The following SPATA6 variants were observed in gnomAD, a reference collection of about 807,000 sequenced individuals.
The protein encoded by SPATA6 is spermatogenesis-associated protein 6.
In SPATA6, 56 loss-of-function variants were observed where a neutral mutation model predicts 65.3. That is an observed-to-expected ratio of 0.86 (90% CI 0.69 to 1.07). The LOEUF is 1.07. SPATA6 is among the 50% of genes least tolerant of loss of function. The pLI, the probability that SPATA6 is intolerant of heterozygous loss-of-function variation, is 0.00. For missense variants in SPATA6, 590 were observed against 594.8 expected, an observed-to-expected ratio of 0.99 and a Z score of 0.08; for synonymous variants, 199 against 213.2, an observed-to-expected ratio of 0.93 and a Z score of 0.58.
chr1:48,348,004 G>A (rs1234056104), intron 11 of SPATA6, among the ~76,000 whole-genome samples: 2 of 151,942 alleles, frequency 1.3e-5, no homozygotes, highest in African/African-American at 4.8e-5. Flanking sequence ...TTCTCAGAGA[G>A]GCAGATGTGA....
At chr1:48,278,130 T>C in the SPATA6 span, among the ~76,000 whole-genome samples, 3 of 152,222 alleles carry the variant, frequency 2.0e-5, no homozygotes, top group East Asian at 3.9e-4. Flanking sequence ...TCCTGTCTGT[T>C]AGAAGGAAAA....
Position 48,346,423 on chromosome 1 carries a change from G to T in SPATA6, c.1194+9247C>A, listed in dbSNP as rs79339436. Among the ~76,000 whole-genome samples, 293 of 152,166 alleles carry T rather than the reference G, an allele frequency of 1.9e-3. 2 individuals are homozygous for T. The highest frequency in any genetic ancestry group is 3.8e-3 in the Non-Finnish European group (258 of 67,998). The stretch of plus-strand genomic sequence containing the variant: ...TCCCCTTGAAAACAGCACAAGACAA[G>T]ATGACCTCTCTCATCACTCTTATTC... On this transcript the variant is annotated intron_variant, in intron 11 of 12. Transcript: ENST00000371847.
chr1:48,342,389 G>A (rs950348369), intron 11 of SPATA6, among the ~76,000 whole-genome samples: 5 of 152,088 alleles, frequency 3.3e-5, no homozygotes, highest in Admixed American at 3.3e-4. Context: ...GCTGAGGCAG[G>A]TGGATCACAA....
chr1:48,391,676 G>A (rs534748374), intron 8 of SPATA6, among the ~76,000 whole-genome samples: 1 of 152,176 alleles, frequency 6.6e-6, no homozygotes, highest in East Asian at 1.9e-4. Context: ...GGAGATGAAA[G>A]TCATGGCCCA....
At chr1:48,444,671 C>T (rs960867185) in intron 3 of SPATA6, among the ~76,000 whole-genome samples, 14 of 152,344 alleles carry the variant, frequency 9.2e-5, no homozygotes, top group South Asian at 2.1e-4. Flanking sequence ...AGCAGCAACC[C>T]GCTCAGGTCC....
the SPATA6 span, among the ~76,000 whole-genome samples, chr1:48,282,608 A>T: frequency 1.3e-5 from 2 of 152,240 alleles, no homozygotes; most frequent in African/African-American, 2.4e-5. Flanking sequence ...TGGCCATCAG[A>T]GAAATGCAAA....
the SPATA6 span, among the ~76,000 whole-genome samples, chr1:48,281,201 T>C: frequency 2.6e-5 from 4 of 151,976 alleles, no homozygotes; most frequent in African/African-American, 9.7e-5. Flanking sequence ...ATAAGAGCTA[T>C]CTATGACAAA....
intron 3 of SPATA6, among the ~76,000 whole-genome samples, chr1:48,442,398 C>T (rs975818997): frequency 6.6e-6 from 1 of 152,130 alleles, no homozygotes; most frequent in African/African-American, 2.4e-5. Context: ...CATGGAGTTA[C>T]TGCATGCAGT....
In SPATA6 at chr1:48,297,192, C is replaced by T. The variant is rs969479665; in HGVS notation, c.*1521G>A. 4.7e-5 allele frequency: 7 copies of T among 149,772 alleles called. No individual in the cohort carries two copies. Among genetic ancestry groups the T allele is most frequent in the African/African-American group, 1.7e-4 (7 of 40,296 alleles). The allele number at this position is 149,772 out of a possible 1,614,324, so 9.3% of individuals were successfully genotyped here. A position where few individuals can be genotyped will look rare whatever the true frequency, so the allele number is the denominator to read the frequency against. On this transcript the variant is annotated 3_prime_UTR_variant, in exon 13 of 13. Transcript: ENST00000371847. ...TGTGTAGCAAACAGATTTTCCTAAA[C>T]TTAGATGGCCAATTACATACTTATA... is the stretch of plus-strand genomic sequence containing the variant.
chr1:48,459,085 A>G (rs922081328), intron 1 of SPATA6, among the ~76,000 whole-genome samples: 8 of 151,456 alleles, frequency 5.3e-5, no homozygotes, highest in African/African-American at 1.7e-4. Flanking sequence ...GGCACCTGTA[A>G]TCCTAGCTAC....
At chr1:48,291,692 G>C (rs189916802), downstream of SPATA6, among the ~76,000 whole-genome samples, 224 of 152,332 alleles carry the variant, frequency 1.5e-3, 1 homozygote, top group East Asian at 0.035. Flanking sequence ...GAAAGCAAGC[G>C]GACTCACAGT....
chr1:48,432,485 C>T (rs1654495661), intron 3 of SPATA6, among the ~76,000 whole-genome samples: 1 of 152,004 alleles, frequency 6.6e-6, no homozygotes, highest in Admixed American at 6.6e-5. Context: ...CTTAAATAGA[C>T]ATTTCTCCAT....
At chr1:48,305,559 A>C (rs913745403) in intron 12 of SPATA6, among the ~76,000 whole-genome samples, 5 of 152,088 alleles carry the variant, frequency 3.3e-5, no homozygotes, top group African/African-American at 1.2e-4. Flanking sequence ...GTGAGTTTTC[A>C]GGGCAGACAA....
chr1:48,406,552 G>A (rs1354224651), intron 5 of SPATA6, among the ~76,000 whole-genome samples: 1 of 152,096 alleles, frequency 6.6e-6, no homozygotes, highest in Non-Finnish European at 1.5e-5. Context: ...TTAATTAAGA[G>A]ACATTTATTA....
At chr1:48,292,603 T>C (rs1259025030), downstream of SPATA6, among the ~76,000 whole-genome samples, 2 of 152,168 alleles carry the variant, frequency 1.3e-5, no homozygotes, top group African/African-American at 2.4e-5. Context: ...GAGGTGGCCA[T>C]AGGCAGGCAT....
intron 3 of SPATA6, among the ~76,000 whole-genome samples, chr1:48,424,380 A>T (rs1442916555): frequency 6.6e-6 from 1 of 152,202 alleles, no homozygotes; most frequent in Non-Finnish European, 1.5e-5. Flanking sequence ...TGTATACTTT[A>T]TTAATTCATC....
At chr1:48,364,747 T>C (rs1167613197) in intron 9 of SPATA6, among the ~76,000 whole-genome samples, 1 of 152,198 alleles carries the variant, frequency 6.6e-6, no homozygotes, top group African/African-American at 2.4e-5. Flanking sequence ...ATTTTGTAGG[T>C]TGCCTGTTCA....
chr1:48,366,256 T>C (rs538993083), intron 9 of SPATA6, among the ~76,000 whole-genome samples: 1 of 152,298 alleles, frequency 6.6e-6, no homozygotes, highest in African/African-American at 2.4e-5. Context: ...TAAAATTCTC[T>C]TTTTTGGTTG....
the SPATA6 span, chr1:48,262,856 T>A: frequency 1.3e-5 from 2 of 152,172 alleles, no homozygotes; most frequent in African/African-American, 4.8e-5. Context: ...AAAGTCTAAT[T>A]AAAGTTGAAA....
Sources: gnomAD v4.1 joint callset for allele counts (sites outside exome capture counted in the v4.1 genomes callset) on GRCh38, gnomAD v4.1.1 for gene constraint, MANE v1.5 for transcripts, NCBI Gene and HGNC (gene_info 2026-07-23, HGNC 2026-07-21) for gene names.